SLC25A30: variants seen among roughly 807,000 people sequenced by gnomAD.
The protein encoded by SLC25A30 is kidney mitochondrial carrier protein 1.
A neutral mutation model predicts 42.7 loss-of-function variants in SLC25A30; 29 were observed. That is an observed-to-expected ratio of 0.68 (90% CI 0.51 to 0.93). The LOEUF (loss-of-function observed/expected upper bound fraction) is 0.93. Ranked by LOEUF, SLC25A30 falls within the 40% of genes least tolerant of loss-of-function variation. The pLI is 0.00. For synonymous variants in SLC25A30, 124 were observed against 131.0 expected (o/e 0.95, Z 0.37); for missense variants, 300 against 359.7 (o/e 0.83, Z 1.34).
rs1238282490 is a variant in SLC25A30 at position 45,401,349 on chromosome 13, GC to G, written c.490-143del. 4 of 813,560 alleles carry G rather than the reference GC, an allele frequency of 4.9e-6. No homozygotes were observed. The African/African-American group carries it at 6.9e-5, about 14-fold the overall frequency. 50.4% of individuals were successfully genotyped at this position (813,560 alleles called of 1,614,324 possible). A position where few individuals can be genotyped will look rare whatever the true frequency, so the allele number is the denominator to read the frequency against. Reference sequence around the variant, plus strand: ...GGAGGCAGAAATGTAGAGTGACAGAGCGGAAAAGATCACAGAGCAAGAACTC... The same window carrying G: ...GGAGGCAGAAATGTAGAGTGACAGAGGGAAAAGATCACAGAGCAAGAACTC... On this transcript the variant is annotated intron_variant, in intron 6 of 9. Transcript: ENST00000519676.
intron 3 of SLC25A30, among the ~76,000 whole-genome samples, 194 bp from the exon 4 acceptor site, chr13:45,406,171 C>T (rs572561360): frequency 3.3e-4 from 50 of 152,252 alleles, no homozygotes; most frequent in African/African-American, 1.2e-3. Flanking sequence ...CAACCTCTGC[C>T]TCCCGGGTTC....
the SLC25A30 span, among the ~76,000 whole-genome samples, chr13:45,423,693 T>TAAAA: frequency 1.9e-4 from 3 of 15,928 alleles, 1 homozygote; most frequent in South Asian, 2.1e-3. Flanking sequence ...TAAATATATA[T>TAAAA]AAATATATAA....
chr13:45,426,162 C>G, the SLC25A30 span, among the ~76,000 whole-genome samples: 2 of 151,800 alleles, frequency 1.3e-5, no homozygotes, highest in Admixed American at 6.6e-5. Context: ...TCTCGGCTCA[C>G]TGCAACCTCC....
rs973443622 is a variant in SLC25A30, at chr13:45,397,111, A to G, written c.834+147T>C. 8 of 644,406 alleles carry G rather than the reference A, an allele frequency of 1.2e-5. No homozygotes were observed. The Admixed American group carries it at 1.8e-4, about 14-fold the overall frequency. The allele number at this position is 644,406 out of a possible 1,614,324, so 39.9% of individuals were successfully genotyped here. ...ACGGAGACTTTACACTTCCTAAAAAAGAAACTAAGTAGTGACTTCTTAGCA... is the reference window on the plus strand; with the variant it reads ...ACGGAGACTTTACACTTCCTAAAAAGGAAACTAAGTAGTGACTTCTTAGCA... On this transcript the variant is annotated intron_variant, in intron 9 of 9. Transcript: ENST00000519676.
chr13:45,423,146 G>A (rs917642000), upstream of SLC25A30, among the ~76,000 whole-genome samples: 1 of 152,042 alleles, frequency 6.6e-6, no homozygotes, highest in African/African-American at 2.4e-5. Flanking sequence ...ATAAATATAA[G>A]CACATTTGGA....
In SLC25A30 at chr13:45,414,619, AACACACACACACACAT is replaced by A. The variant is rs1883340516; in HGVS notation, c.-55-3155_-55-3140del. Among the ~76,000 whole-genome samples the A allele has an allele frequency of 2.7e-5, 3 of 110,412 alleles. No homozygotes were observed. The South Asian group carries it at 9.6e-4, about 35-fold the overall frequency. The allele number at this position is 110,412 out of a possible 152,430, so 72.4% of individuals were successfully genotyped here. ...GCAACAAAAGCGAAACTTTGTCTCA[AACACACACACACACAT>A]ACACACACACACACACACACACACA... is the stretch of plus-strand genomic sequence containing the variant. On this transcript the variant is annotated intron_variant, in intron 1 of 9. Transcript: ENST00000519676.
chr13:45,425,010 A>ATG, the SLC25A30 span, among the ~76,000 whole-genome samples: 1 of 1,074 alleles, frequency 9.3e-4, no homozygotes, highest in African/African-American at 3.6e-3. Flanking sequence ...ATAAATATAT[A>ATG]TAAATATACA....
chr13:45,425,146 A>T, the SLC25A30 span, among the ~76,000 whole-genome samples: 4 of 90,900 alleles, frequency 4.4e-5, no homozygotes, highest in South Asian at 9.4e-4. Context: ...AAATATATAT[A>T]AATATATTGA....
intron 6 of SLC25A30, 88 bp from the exon 7 acceptor site, chr13:45,401,295 C>G (rs767975248): frequency 2.0e-5 from 28 of 1,374,328 alleles, no homozygotes; most frequent in Non-Finnish European, 2.8e-5. Flanking sequence ...AATCCATAAA[C>G]TATGATCAAG....
intron 2 of SLC25A30, among the ~76,000 whole-genome samples, chr13:45,409,566 T>C (rs1400829369): frequency 6.6e-6 from 1 of 152,178 alleles, no homozygotes; most frequent in Non-Finnish European, 1.5e-5. Context: ...CCCAGCACTT[T>C]GGGAGGCTGA....
chr13:45,433,847 C>T, the SLC25A30 span, among the ~76,000 whole-genome samples: 3 of 152,170 alleles, frequency 2.0e-5, no homozygotes, highest in African/African-American at 7.2e-5. Flanking sequence ...ACAAACATTT[C>T]CGGAAGGAAT....
chr13:45,424,508 TATATATAAATATATAAAAATATATATAA>T, the SLC25A30 span, among the ~76,000 whole-genome samples: 1 of 34,242 alleles, frequency 2.9e-5, no homozygotes, highest in East Asian at 6.0e-4. Context: ...TATATAAAAA[TATATATAAATATATAAAAATATATATAA>T]ATATATAAAT....
At chr13:45,413,111 C>A (rs2137688453) in intron 1 of SLC25A30, among the ~76,000 whole-genome samples, 1 of 152,248 alleles carries the variant, frequency 6.6e-6, no homozygotes, top group South Asian at 2.1e-4. Context: ...AATCATTATT[C>A]CTTGTTTATG....
chr13:45,395,865 C>T lies in SLC25A30; in HGVS notation c.*109G>A. ...CCCAGTCTTCATCTGTTGCTCACAT[C>T]CCAGAATCTGTGATGAGCCAAGCAG... On this transcript the variant is annotated 3_prime_UTR_variant, in exon 10 of 10. Transcript: ENST00000519676. The T allele has an allele frequency of 6.2e-7, 1 of 1,606,296 alleles. No homozygotes were observed. Among genetic ancestry groups the T allele is most frequent in the Non-Finnish European group, 8.5e-7 (1 of 1,176,206 alleles).
At chr13:45,416,325 C>T (rs1883529062) in intron 1 of SLC25A30, among the ~76,000 whole-genome samples, 1 of 151,772 alleles carries the variant, frequency 6.6e-6, no homozygotes, top group Non-Finnish European at 1.5e-5. Context: ...AGAGAACTGC[C>T]TGAACCTGGG....
chr13:45,424,542 T>TAA, the SLC25A30 span, among the ~76,000 whole-genome samples: 71 of 42,798 alleles, frequency 1.7e-3, 13 homozygotes, highest in South Asian at 3.1e-3. Context: ...TATAAATATA[T>TAA]AAATATATAA....
At chr13:45,413,781 G>C (rs767986172) in intron 1 of SLC25A30, among the ~76,000 whole-genome samples, 1 of 152,174 alleles carries the variant, frequency 6.6e-6, no homozygotes, top group Non-Finnish European at 1.5e-5. Flanking sequence ...TTGAACTCCT[G>C]ACCTCAGGTA....
the SLC25A30 span, among the ~76,000 whole-genome samples, chr13:45,424,150 T>TAA: frequency 0.49 from 42,611 of 86,484 alleles, 11,367 homozygotes; most frequent in African/African-American, 0.52. Context: ...TAAATATAAG[T>TAA]ATATATATAG....
In SLC25A30 at chr13:45,394,250, C is replaced by A; in HGVS notation, c.*1724G>T. 1 of 801,730 alleles carries A rather than the reference C, an allele frequency of 1.2e-6. No homozygotes were observed. The highest frequency in any genetic ancestry group is 6.4e-5 in the Admixed American group (1 of 15,670). 49.7% of individuals were successfully genotyped at this position (801,730 alleles called of 1,614,324 possible). A position where few individuals can be genotyped will look rare whatever the true frequency, so the allele number is the denominator to read the frequency against. ...GTAACCCTACCCCACTGCACCCCGCCCCCGCCCCCACCTTCTGTTATCCTC... is the reference window on the plus strand; with the variant it reads ...GTAACCCTACCCCACTGCACCCCGCACCCGCCCCCACCTTCTGTTATCCTC... On this transcript the variant is annotated 3_prime_UTR_variant, in exon 10 of 10. Transcript: ENST00000519676.
Sources: allele counts gnomAD v4.1 joint callset (sites outside exome capture counted in the v4.1 genomes callset), GRCh38; gene constraint gnomAD v4.1.1; transcripts MANE v1.5; gene names NCBI Gene and HGNC (gene_info 2026-07-23, HGNC 2026-07-21).